The following ATL2 variants were observed in gnomAD, a reference collection of about 807,000 sequenced individuals.
ATL2 encodes the protein atlastin GTPase 2.
In ATL2, 31 loss-of-function variants were observed where a neutral mutation model predicts 73.9. The ratio of observed to expected loss-of-function variants is 0.42; its 90% CI spans 0.32 to 0.57. The LOEUF is 0.57. Among genes scored for constraint, ATL2 ranks in the 20% least tolerant of loss-of-function variants. The pLI is 0.14. For synonymous variants in ATL2, 291 were observed against 237.5 expected (o/e 1.23, Z -2.07); for missense variants, 738 against 702.6 (o/e 1.05, Z -0.57).
Position 38,314,667 on chromosome 2 carries a change from A to T in ATL2, c.655-3T>A. On this transcript the variant is annotated splice_polypyrimidine_tract_variant and splice_region_variant and intron_variant, in intron 5 of 12. Transcript: ENST00000378954. ...AGTCTTCCATACTCTGTAAATAACTATTAAATAGAGTTAGTTAAAATAATG... is the reference window on the plus strand; with the variant it reads ...AGTCTTCCATACTCTGTAAATAACTTTTAAATAGAGTTAGTTAAAATAATG... 1 of 1,568,910 alleles carries T rather than the reference A, an allele frequency of 6.4e-7. No homozygotes were observed. The highest frequency in any genetic ancestry group is 8.8e-7 in the Non-Finnish European group (1 of 1,141,400).
At chr2:38,325,154 G>C (rs918858485) in intron 2 of ATL2, among the ~76,000 whole-genome samples, 3 of 152,198 alleles carry the variant, frequency 2.0e-5, no homozygotes, top group African/African-American at 7.2e-5. Context: ...TCTTCCATTG[G>C]ACTTCCAGTG....
rs1177748505 is a variant in ATL2 at position 38,350,774 on chromosome 2, C to A, written c.119-7262G>T. Reference sequence around the variant, plus strand: ...GCTAAAATTGCTCTAAAAAAAAAAACCAAAAAAGTCTATTTAAATAAGACA... The same window carrying A: ...GCTAAAATTGCTCTAAAAAAAAAAAACAAAAAAGTCTATTTAAATAAGACA... On this transcript the variant is annotated intron_variant, in intron 1 of 12. Transcript: ENST00000378954. Among the ~76,000 whole-genome samples, 5 of 151,138 alleles carry A rather than the reference C, an allele frequency of 3.3e-5. No individual in the cohort carries two copies. The East Asian group carries it at 7.8e-4, about 23-fold the overall frequency.
chr2:38,314,598 A>C lies in ATL2; in HGVS notation c.711+10T>G. ...GGCTAATCTTTAAAATGTTAGAATA[A>C]CTTTTTTACCTGAAATGGTTTCTGG... On this transcript the variant is annotated intron_variant, in intron 6 of 12. Transcript: ENST00000378954. 6.3e-7 allele frequency: 1 copy of C among 1,588,292 alleles called. No individual in the cohort carries two copies. The highest frequency in any genetic ancestry group is 8.6e-7 in the Non-Finnish European group (1 of 1,157,690).
chr2:38,297,302 C>T (rs975627710), intron 12 of ATL2, among the ~76,000 whole-genome samples: 2 of 152,124 alleles, frequency 1.3e-5, no homozygotes, highest in African/African-American at 2.4e-5. Context: ...AAAATAAGCT[C>T]AATATTTCAT....
In ATL2 at chr2:38,304,940, T is replaced by A. The variant is rs1310035171; in HGVS notation, c.1071+4439A>T. On this transcript the variant is annotated intron_variant, in intron 9 of 12. Transcript: ENST00000378954. ...CTCCTTACTTATCAGTAACATTGAG[T>A]GTAAATGGGCTAAACTCTCCAATTA... Among the ~76,000 whole-genome samples, 12 of 152,052 alleles carry A rather than the reference T, an allele frequency of 7.9e-5. 1 individual carries two copies. The South Asian group carries it at 8.3e-4, about 11-fold the overall frequency.
intron 9 of ATL2, among the ~76,000 whole-genome samples, chr2:38,305,252 G>C (rs1349878655): frequency 5.9e-5 from 9 of 152,202 alleles, no homozygotes; most frequent in African/African-American, 2.2e-4. Flanking sequence ...AAGAGGACCG[G>C]GCGCAGTGGC....
chr2:38,334,780 T>C (rs1052146503), intron 2 of ATL2, among the ~76,000 whole-genome samples: 1 of 147,900 alleles, frequency 6.8e-6, no homozygotes, highest in Non-Finnish European at 1.5e-5. Flanking sequence ...AAATTCAAAT[T>C]ATCAGCATTT....
chr2:38,362,293 T>C (rs1216028152), intron 1 of ATL2, among the ~76,000 whole-genome samples: 1 of 152,194 alleles, frequency 6.6e-6, no homozygotes, highest in Non-Finnish European at 1.5e-5. Flanking sequence ...CAAATACACA[T>C]AACCCTTCCT....
At chr2:38,319,095 ATTTTACAG>A in intron 2 of ATL2, 76 bp from the exon 3 acceptor site, 1 of 1,468,034 alleles carries the variant, frequency 6.8e-7, no homozygotes, top group Non-Finnish European at 9.3e-7. Context: ...CCCATTCTTT[ATTTTACAG>A]ATGGGGAAGC....
chr2:38,295,844 T>C lies in ATL2; in HGVS notation c.*150A>G. ...AAGAATGCTTAAAACTAACAAACAA[T>C]CTTCACACTCTGTGGCAGCCATCTG... On this transcript the variant is annotated 3_prime_UTR_variant, in exon 13 of 13. Transcript: ENST00000378954. 1.6e-6 allele frequency: 1 copy of C among 631,788 alleles called. No individual in the cohort carries two copies. Among genetic ancestry groups the C allele is most frequent in the Non-Finnish European group, 2.6e-6 (1 of 378,434 alleles). 39.1% of individuals were successfully genotyped at this position (631,788 alleles called of 1,614,324 possible).
At chr2:38,376,946 G>A (rs1021508180) in intron 1 of ATL2, among the ~76,000 whole-genome samples, 197 bp downstream of exon 1, 11 of 151,006 alleles carry the variant, frequency 7.3e-5, no homozygotes, top group Non-Finnish European at 1.3e-4. Context: ...CGGCCCACGA[G>A]CCGCCCTTTC....
At chr2:38,348,311 A>G (rs1254661210) in intron 1 of ATL2, among the ~76,000 whole-genome samples, 2 of 151,942 alleles carry the variant, frequency 1.3e-5, no homozygotes, top group Admixed American at 6.6e-5. Flanking sequence ...TACTAAAAAT[A>G]CAAAATTAGC....
At chr2:38,314,352 T>C (rs142996990) in intron 6 of ATL2, among the ~76,000 whole-genome samples, 72 of 152,308 alleles carry the variant, frequency 4.7e-4, no homozygotes, top group Admixed American at 1.3e-3. Flanking sequence ...TAGAATAACA[T>C]CTGTTAAGAG....
chr2:38,334,922 T>TATTTATAA (rs1553336582), intron 2 of ATL2, among the ~76,000 whole-genome samples: 1 of 137,872 alleles, frequency 7.3e-6, no homozygotes, highest in African/African-American at 2.7e-5. Flanking sequence ...ATAAATATAT[T>TATTTATAA]TATATATTAT....
In ATL2 at chr2:38,310,059, T is replaced by C. The variant is rs936965433; in HGVS notation, c.943+250A>G. Among the ~76,000 whole-genome samples, 46 of 152,170 alleles carry C rather than the reference T, an allele frequency of 3.0e-4. 1 individual carries two copies. The highest frequency in any genetic ancestry group is 1.1e-3 in the African/African-American group (45 of 41,426). On this transcript the variant is annotated intron_variant, in intron 8 of 12. Transcript: ENST00000378954. ...CAATTGAAAAGAAATGCTCTCAGCCTTCAGAATTTTCAGGACATCACTGCT... is the reference window on the plus strand; with the variant it reads ...CAATTGAAAAGAAATGCTCTCAGCCCTCAGAATTTTCAGGACATCACTGCT...
chr2:38,350,597 C>G (rs556736363), intron 1 of ATL2, among the ~76,000 whole-genome samples: 1 of 152,016 alleles, frequency 6.6e-6, no homozygotes, highest in Admixed American at 6.5e-5. Flanking sequence ...TAATGTAAAA[C>G]TATAGACTTT....
chr2:38,353,641 G>T (rs1207499870), intron 1 of ATL2, among the ~76,000 whole-genome samples: 1 of 152,130 alleles, frequency 6.6e-6, no homozygotes, highest in South Asian at 2.1e-4. Flanking sequence ...CAGCCAGACT[G>T]CTAAAAACCA....
chr2:38,319,260 T>C (rs549965991), intron 2 of ATL2, among the ~76,000 whole-genome samples: 3 of 152,280 alleles, frequency 2.0e-5, no homozygotes, highest in South Asian at 4.2e-4. Flanking sequence ...TACTACTCTC[T>C]AGGCTTCTAA....
chr2:38,298,195 G>T lies in ATL2; in HGVS notation c.1581C>A (p.Phe527Leu), dbSNP rs368267331. 58 of 1,613,942 alleles carry T rather than the reference G, an allele frequency of 3.6e-5. No individual in the cohort carries two copies. The highest frequency in any genetic ancestry group is 4.8e-5 in the Non-Finnish European group (57 of 1,179,938). ...TWAYVKYSGE[F>L]REIGTVIDQI... is the part of the protein sequence containing the mutation. Reference sequence around the variant, plus strand: ...GATCAATCACTGTTCCAATTTCTCTGAACTCCCCAGAGTATTTAACATATG... The same window carrying T: ...GATCAATCACTGTTCCAATTTCTCTTAACTCCCCAGAGTATTTAACATATG... Residue 527 changes from phenylalanine to leucine, a missense_variant, in exon 12 of 13, where the codon TTC becomes TTA. Transcript: ENST00000378954.
Sources: allele counts gnomAD v4.1 joint callset (sites outside exome capture counted in the v4.1 genomes callset), GRCh38; gene constraint gnomAD v4.1.1; transcripts MANE v1.5; gene names NCBI Gene and HGNC (gene_info 2026-07-23, HGNC 2026-07-21).